Variants in PCDHGB6 observed in about 807,000 individuals in gnomAD.
The protein encoded by PCDHGB6 is protocadherin gamma-B6.
PCDHGB6 carries 51 observed loss-of-function variants against 59.1 expected under a neutral mutation model. The observed-to-expected ratio is 0.86, with a 90% CI of 0.69 to 1.09. The LOEUF is 1.09. PCDHGB6 is among the 50% of genes least tolerant of loss of function. The probability of loss-of-function intolerance (pLI) is 0.00; values close to 1 mark genes in which losing one functional copy is unlikely to be tolerated. For synonymous variants in PCDHGB6, 466 were observed against 495.1 expected (o/e 0.94, Z 0.78); for missense variants, 1,148 against 1,205.1 (o/e 0.95, Z 0.70).
intron 2 of PCDHGB6, among the ~76,000 whole-genome samples, chr5:141,498,436 A>G (rs566463876): frequency 6.6e-6 from 1 of 152,268 alleles, no homozygotes; most frequent in East Asian, 1.9e-4. Flanking sequence ...GGGGATGAAG[A>G]GGAGAGGTTC....
rs1182148013 is a variant in PCDHGB6, at chr5:141,431,510, G to C, written c.2418+20890G>C. On this transcript the variant is annotated intron_variant, in intron 1 of 3. Transcript: ENST00000520790. This position sits in a 1 kb window ranked among gnomAD's most constrained non-coding sequence, Gnocchi z 4.8. ...TGCTCAGCCCGAGTACCGCGCGAGC[G>C]TTCCGGAGAATCTGGCCTTGGGCAC... 6.2e-7 allele frequency: 1 copy of C among 1,614,022 alleles called. No homozygotes were observed. The highest frequency in any genetic ancestry group is 8.5e-7 in the Non-Finnish European group (1 of 1,180,026).
In PCDHGB6 at chr5:141,409,041, A is replaced by T; in HGVS notation, c.839A>T (p.Tyr280Phe). ...DEGVNAEINY[Y>F]FRSTAQSTKH... ...GGGGTCAATGCTGAGATAAACTACT[A>T]CTTCCGAAGCACTGCCCAGAGCACA... is the stretch of plus-strand genomic sequence containing the variant. The change falls in exon 1 of 4, where the codon TAC becomes TTC. Residue 280 changes from tyrosine (Y) to phenylalanine (F), a missense_variant. Tyr to Phe is a conservative substitution (Grantham distance 22). Transcript: ENST00000520790. The T allele has an allele frequency of 6.2e-7, 1 of 1,613,982 alleles. No individual in the cohort carries two copies. The highest frequency in any genetic ancestry group is 8.5e-7 in the Non-Finnish European group (1 of 1,179,886).
intron 1 of PCDHGB6, among the ~76,000 whole-genome samples, chr5:141,482,354 G>C (rs1461472845): frequency 6.6e-6 from 1 of 152,096 alleles, no homozygotes; most frequent in Non-Finnish European, 1.5e-5. Context: ...CTTGTTGTGA[G>C]AGTGAAAAGT....
In PCDHGB6 at chr5:141,487,241, A is replaced by G. The variant is rs753291480; in HGVS notation, c.2419-7566A>G. ...TCCAAGGGAAGGAGAATCTCGTCTA[A>G]CCCTCTACTTGGCTGTGTCCCTAGT... On this transcript the variant is annotated intron_variant, in intron 1 of 3. Transcript: ENST00000520790. The surrounding 1 kb of genome is among the most constrained non-coding windows in gnomAD (Gnocchi z 5.0). 2 of 1,613,876 alleles carry G rather than the reference A, an allele frequency of 1.2e-6. No homozygotes were observed. The highest frequency in any genetic ancestry group is 3.3e-5 in the Admixed American group (2 of 59,988).
chr5:141,471,204 C>T (rs1349368582), intron 1 of PCDHGB6: 2 of 151,866 alleles, frequency 1.3e-5, no homozygotes, highest in African/African-American at 4.8e-5. Flanking sequence ...CACCCACCCC[C>T]ATGCCTGGCA....
chr5:141,423,546 G>A, intron 1 of PCDHGB6: 1 of 1,613,708 alleles, frequency 6.2e-7, no homozygotes, highest in Non-Finnish European at 8.5e-7. Flanking sequence ...TTTTCCCCCA[G>A]CCCAACTATG....
Position 141,477,653 on chromosome 5 carries a change from A to C in PCDHGB6, c.2419-17154A>C. ...GCTAGTGGGTCGCTATTTCACAATA[A>C]ATCGTGACAATGGCATAGTGTCATC... On this transcript the variant is annotated intron_variant, in intron 1 of 3. Transcript: ENST00000520790. The surrounding 1 kb of genome is among the most constrained non-coding windows in gnomAD (Gnocchi z 4.9). The C allele has an allele frequency of 1.2e-6, 2 of 1,614,204 alleles. No individual in the cohort carries two copies. Among genetic ancestry groups the C allele is most frequent in the Non-Finnish European group, 1.7e-6 (2 of 1,180,036 alleles).
At chr5:141,482,205 C>T (rs1478729653) in intron 1 of PCDHGB6, among the ~76,000 whole-genome samples, 1 of 151,896 alleles carries the variant, frequency 6.6e-6, no homozygotes, top group Non-Finnish European at 1.5e-5. Context: ...TAAAACAGAC[C>T]AGGTACTTGT....
At chr5:141,495,613 G>A (rs1230710705) in intron 2 of PCDHGB6, among the ~76,000 whole-genome samples, 2 of 152,068 alleles carry the variant, frequency 1.3e-5, no homozygotes, top group Non-Finnish European at 2.9e-5. Flanking sequence ...CTTGATTGCT[G>A]CACCTCAGCC....
At position 141,410,301 on chromosome 5, in the gene PCDHGB6, C is replaced by A. The variant is rs1294760427; in HGVS notation, c.2099C>A (p.Ser700Ter). ...CTGGTGGTGGCCTTGGCCTTAATCT[C>A]AGTGCTCTTCCTCCTCGCCGTGATT... ...FYLVVALALI[S>*]VLFLLAVILA... The change falls in exon 1 of 4, where the codon TCA becomes TAA. Residue 700 changes from serine (S) to a stop codon, truncating the protein, a stop_gained. Transcript: ENST00000520790. LOFTEE classifies it high-confidence loss of function. 2.5e-6 allele frequency: 4 copies of A among 1,614,030 alleles called. No individual in the cohort carries two copies. In the Admixed American group the frequency reaches 6.7e-5, roughly 27 times the overall value.
chr5:141,428,106 C>T, intron 1 of PCDHGB6: 1 of 1,608,152 alleles, frequency 6.2e-7, no homozygotes. Context: ...CCACGTGCTG[C>T]AGGCCATCGA....
At position 141,487,943 on chromosome 5, in the gene PCDHGB6, A is replaced by C. The variant is rs2099669443; in HGVS notation, c.2419-6864A>C. ...TACAGTGCACAGGGTACAGTGCACCAGGCAGTCACTTGGACAAAGGTGGCT... is the reference window on the plus strand; with the variant it reads ...TACAGTGCACAGGGTACAGTGCACCCGGCAGTCACTTGGACAAAGGTGGCT... On this transcript the variant is annotated intron_variant, in intron 1 of 3. Coordinates refer to ENST00000520790, the MANE Select transcript of PCDHGB6 (RefSeq NM_018926.3). The surrounding 1 kb of genome is among the most constrained non-coding windows in gnomAD (Gnocchi z 5.0). Among the ~76,000 whole-genome samples, 1 of 152,220 alleles carries C rather than the reference A, an allele frequency of 6.6e-6. No homozygotes were observed.
At chr5:141,427,352 G>A (rs982774903) in intron 1 of PCDHGB6, 3 of 457,474 alleles carry the variant, frequency 6.6e-6, no homozygotes, top group African/African-American at 6.0e-5. Flanking sequence ...CTGTAACTGA[G>A]GACGCAGAAC....
At position 141,431,178 on chromosome 5, in the gene PCDHGB6, T is replaced by A; in HGVS notation, c.2418+20558T>A. 2 of 1,614,078 alleles carry A rather than the reference T, an allele frequency of 1.2e-6. No individual in the cohort carries two copies. Among genetic ancestry groups the A allele is most frequent in the Non-Finnish European group, 1.7e-6 (2 of 1,180,000 alleles). On this transcript the variant is annotated intron_variant, in intron 1 of 3. Coordinates refer to ENST00000520790, the MANE Select transcript of PCDHGB6 (RefSeq NM_018926.3). This position sits in a 1 kb window ranked among gnomAD's most constrained non-coding sequence, Gnocchi z 4.8. ...TACTTTCGTGAAAGTGAATTAGAAATAAAAATTAGTGAAAATGCAGCCACT... is the reference window on the plus strand; with the variant it reads ...TACTTTCGTGAAAGTGAATTAGAAAAAAAAATTAGTGAAAATGCAGCCACT...
In PCDHGB6 at chr5:141,485,990, C is replaced by T. The variant is rs1285988124; in HGVS notation, c.2419-8817C>T. 2.5e-6 allele frequency: 4 copies of T among 1,614,168 alleles called. No homozygotes were observed. The stretch of plus-strand genomic sequence containing the variant: ...CAATGCCTCAGACCCGGACCTGGGT[C>T]CCAGTGGTAACGTCACCTTTTATTT... On this transcript the variant is annotated intron_variant, in intron 1 of 3. Coordinates refer to ENST00000520790, the MANE Select transcript of PCDHGB6 (RefSeq NM_018926.3). This position sits in a 1 kb window ranked among gnomAD's most constrained non-coding sequence, Gnocchi z 5.7.
Position 141,491,797 on chromosome 5 carries a change from G to C in PCDHGB6, c.2419-3010G>C, listed in dbSNP as rs537755017. The C allele has an allele frequency of 7.9e-5, 119 of 1,506,700 alleles. No homozygotes were observed. In the Admixed American group the frequency reaches 1.4e-3, roughly 18 times the overall value. 93.3% of individuals were successfully genotyped at this position (1,506,700 alleles called of 1,614,324 possible). On this transcript the variant is annotated intron_variant, in intron 1 of 3. Coordinates refer to ENST00000520790, the MANE Select transcript of PCDHGB6 (RefSeq NM_018926.3). The surrounding 1 kb of genome is among the most constrained non-coding windows in gnomAD (Gnocchi z 6.9). The stretch of plus-strand genomic sequence containing the variant: ...ATTGAACTTGCATCCACTCCTCTCC[G>C]GCCGGCTTGGTCGCTGGCTGCGCTC...
intron 1 of PCDHGB6, chr5:141,415,040 CG>C (rs878992043): frequency 6.2e-7 from 1 of 1,613,520 alleles, no homozygotes; most frequent in East Asian, 2.2e-5. Flanking sequence ...GGACTCTTCG[CG>C]GTGGGGGAGC....
rs751644523 is a variant in PCDHGB6, at chr5:141,409,212, T to C, written c.1010T>C (p.Ile337Thr). The C allele has an allele frequency of 6.2e-7, 1 of 1,613,924 alleles. No homozygotes were observed. The highest frequency in any genetic ancestry group is 8.5e-7 in the Non-Finnish European group (1 of 1,179,874). ...ACCCAGTGTAAAGTAATCATAGAAA[T>C]CCTTGATGAAAACGACAACAGCCCA... The part of the protein sequence containing the change: ...LSTQCKVIIE[I>T]LDENDNSPEI... Residue 337 changes from isoleucine to threonine, a missense_variant, in exon 1 of 4, where the codon ATC becomes ACC. By Grantham distance (89) the Ile-to-Thr change is moderately conservative (BLOSUM62 -1). Transcript: ENST00000520790.
At chr5:141,418,124 C>A (rs762154093) in intron 1 of PCDHGB6, 33 of 1,613,836 alleles carry the variant, frequency 2.0e-5, no homozygotes, top group East Asian at 1.3e-4. Flanking sequence ...TGTGAAGGAC[C>A]GAATAGACCG....
Sources: gnomAD v4.1 joint callset for allele counts (sites outside exome capture counted in the v4.1 genomes callset) on GRCh38, gnomAD v4.1.1 for gene constraint, Gnocchi (gnomAD v3.1) non-coding constraint, MANE v1.5 for transcripts, NCBI Gene and HGNC (gene_info 2026-07-23, HGNC 2026-07-21) for gene names.